C1QTNF1: variants seen among roughly 807,000 people sequenced by gnomAD.
C1QTNF1 encodes the protein C1q and TNF related 1.
In C1QTNF1, 22 loss-of-function variants were observed where a neutral mutation model predicts 27.8. That is an observed-to-expected ratio of 0.79 (90% CI 0.56 to 1.13). The LOEUF is 1.13. Ranked by LOEUF, C1QTNF1 falls within the 50% of genes most tolerant of loss-of-function variation. The pLI is 0.00. For synonymous variants in C1QTNF1, 166 were observed against 154.3 expected (o/e 1.08, Z -0.56); for missense variants, 373 against 380.2 (o/e 0.98, Z 0.16).
chr17:79,039,783 A>ATG (rs35243048), intron 1 of C1QTNF1, among the ~76,000 whole-genome samples: 4,271 of 151,150 alleles, frequency 0.028, 86 homozygotes, highest in East Asian at 0.077. Flanking sequence ...TTAAATAAAT[A>ATG]TGTGTGTGTG....
In C1QTNF1 at chr17:79,048,025, C is replaced by A. The variant is rs56302593; in HGVS notation, c.783C>A (p.Ser261Arg). The change falls in exon 4 of 4, where the codon AGC (serine) becomes AGA (arginine). Residue 261 changes from serine (S) to arginine (R), a missense_variant. Physicochemically the swap from Ser to Arg is moderately radical, Grantham distance 110. Coordinates refer to ENST00000579760, the MANE Select transcript of C1QTNF1 (RefSeq NM_030968.5). ...YKGERENAIFSEELDTYITFS... is the reference protein window; with the variant it reads ...YKGERENAIFREELDTYITFS... ...GCGAACGTGAGAACGCCATCTTCAGCGAGGAGCTGGACACCTACATCACCT... is the reference window on the plus strand; with the variant it reads ...GCGAACGTGAGAACGCCATCTTCAGAGAGGAGCTGGACACCTACATCACCT... The A allele has an allele frequency of 6.2e-7, 1 of 1,604,190 alleles. No individual in the cohort carries two copies. Among genetic ancestry groups the A allele is most frequent in the East Asian group, 2.2e-5 (1 of 44,796 alleles).
chr17:79,047,637 G>A lies in C1QTNF1; in HGVS notation c.395G>A (p.Gly132Asp), dbSNP rs1459652629. The change falls in exon 4 of 4, where the codon GGC (glycine) becomes GAC (aspartate). Residue 132 changes from glycine (G) to aspartate (D), a missense_variant. Coordinates refer to ENST00000579760, the MANE Select transcript of C1QTNF1 (RefSeq NM_030968.5). ...CACACTGGACCCAAAGGGCAGAAGGGCTCCATGGGGGCCCCTGGGGAGCGG... is the reference window on the plus strand; with the variant it reads ...CACACTGGACCCAAAGGGCAGAAGGACTCCATGGGGGCCCCTGGGGAGCGG... ...RGHTGPKGQK[G>D]SMGAPGERCK... 1.2e-6 allele frequency: 2 copies of A among 1,604,716 alleles called. No individual in the cohort carries two copies. The highest frequency in any genetic ancestry group is 2.2e-5 in the East Asian group (1 of 44,730).
At chr17:79,037,947 C>A (rs1237707634) in intron 1 of C1QTNF1, among the ~76,000 whole-genome samples, 4 of 151,936 alleles carry the variant, frequency 2.6e-5, no homozygotes, top group African/African-American at 9.7e-5. Context: ...GCTGGGATGA[C>A]AGGTGTGAGC....
intron 3 of C1QTNF1, 44 bp from the exon 4 acceptor site, chr17:79,047,494 C>T (rs2072616903): frequency 2.0e-6 from 3 of 1,505,486 alleles, no homozygotes; most frequent in African/African-American, 1.4e-5. Context: ...CAGGACACTA[C>T]CGGATTGCTC....
chr17:79,043,950 A>T lies in C1QTNF1; in HGVS notation c.-14-5A>T. 4 of 1,613,220 alleles carry T rather than the reference A, an allele frequency of 2.5e-6. No homozygotes were observed. Among genetic ancestry groups the T allele is most frequent in the Non-Finnish European group, 3.4e-6 (4 of 1,179,900 alleles). On this transcript the variant is annotated splice_region_variant and splice_polypyrimidine_tract_variant and intron_variant, in intron 1 of 3. Coordinates refer to ENST00000579760, the MANE Select transcript of C1QTNF1 (RefSeq NM_030968.5). Reference sequence around the variant, plus strand: ...TGCCTTCCCTGTGTGTTTCTTTCCCACCAGGGCCCGGCAGGAAGATGGGCT... The same window carrying T: ...TGCCTTCCCTGTGTGTTTCTTTCCCTCCAGGGCCCGGCAGGAAGATGGGCT...
chr17:79,035,805 T>C (rs1002540245), intron 1 of C1QTNF1, among the ~76,000 whole-genome samples: 30 of 152,108 alleles, frequency 2.0e-4, no homozygotes, highest in African/African-American at 7.2e-4. Context: ...CCTTGGGAGA[T>C]GAATGTAAAC....
intron 1 of C1QTNF1, among the ~76,000 whole-genome samples, chr17:79,042,173 T>C (rs1435387794): frequency 2.0e-5 from 3 of 152,112 alleles, no homozygotes; most frequent in Non-Finnish European, 4.4e-5. Flanking sequence ...CAAAGAGGGG[T>C]TAGAGTTGAC....
chr17:79,027,090 G>GA, intron 1 of C1QTNF1, among the ~76,000 whole-genome samples: 1 of 149,458 alleles, frequency 6.7e-6, no homozygotes, highest in Admixed American at 6.7e-5. Context: ...GCGGGGGGGG[G>GA]CTGTGGCTGA....
In C1QTNF1 at chr17:79,046,623, G is replaced by T; in HGVS notation, c.224G>T (p.Arg75Leu). ...DQGLPASRCL[R>L]CCDPGTSMYP... is the part of the protein sequence containing the mutation. ...GGGCTCCCTGCTTCCCGGTGCTTGC[G>T]CTGCTGTGACCCCGGTACCTCCATG... The change falls in exon 3 of 4, where the codon CGC (arginine) becomes CTC (leucine). Residue 75 changes from arginine (R) to leucine (L), a missense_variant. Coordinates refer to ENST00000579760, the MANE Select transcript of C1QTNF1 (RefSeq NM_030968.5). This position sits in a 1 kb window ranked among gnomAD's most constrained non-coding sequence, Gnocchi z 4.8. 1 of 1,614,232 alleles carries T rather than the reference G, an allele frequency of 6.2e-7. No homozygotes were observed.
chr17:79,025,053 G>C (rs1488197172), intron 1 of C1QTNF1: 2 of 152,334 alleles, frequency 1.3e-5, no homozygotes, highest in Non-Finnish European at 2.9e-5. Context: ...GTGTCCTGGA[G>C]GGGGTCCAGC....
chr17:79,046,960 G>A lies in C1QTNF1; in HGVS notation c.295+266G>A, dbSNP rs930449227. 5.9e-6 allele frequency: 3 copies of A among 506,938 alleles called. No homozygotes were observed. Among genetic ancestry groups the A allele is most frequent in the African/African-American group, 3.8e-5 (2 of 52,224 alleles). The allele number at this position is 506,938 out of a possible 1,614,324, so 31.4% of individuals were successfully genotyped here. ...GAGCCCAGAGGCTACTCGGGGTCTCGTCCCTCCAGTTGTATGTGGACGCCA... is the reference window on the plus strand; with the variant it reads ...GAGCCCAGAGGCTACTCGGGGTCTCATCCCTCCAGTTGTATGTGGACGCCA... On this transcript the variant is annotated intron_variant, in intron 3 of 3. Transcript: ENST00000579760. This position sits in a 1 kb window ranked among gnomAD's most constrained non-coding sequence, Gnocchi z 4.8.
At chr17:79,043,551 GTGC>G (rs1254870038) in intron 1 of C1QTNF1, 1 of 431,298 alleles carries the variant, frequency 2.3e-6, no homozygotes, top group African/African-American at 2.2e-5. Context: ...TGTTGAGACT[GTGC>G]ATGTGTATTG....
chr17:79,040,730 C>CAAAA (rs60302649), intron 1 of C1QTNF1, among the ~76,000 whole-genome samples: 44 of 56,342 alleles, frequency 7.8e-4, no homozygotes, highest in East Asian at 1.2e-3. Flanking sequence ...TTTGTCTCTA[C>CAAAA]AAAAAAAAAA....
chr17:79,043,866 A>T, intron 1 of C1QTNF1, 89 bp from the exon 2 acceptor site: 1 of 1,452,526 alleles, frequency 6.9e-7, no homozygotes, highest in Non-Finnish European at 9.6e-7. Context: ...TCCGATTTCC[A>T]GGCTGTTTCT....
intron 3 of C1QTNF1, chr17:79,047,240 T>TTC: frequency 4.3e-6 from 1 of 233,844 alleles, no homozygotes. Context: ...TTTCTTTTCT[T>TTC]TTTTTTTTTT....
At chr17:79,038,146 C>T (rs550532273) in intron 1 of C1QTNF1, among the ~76,000 whole-genome samples, 21 of 151,944 alleles carry the variant, frequency 1.4e-4, no homozygotes, top group East Asian at 3.9e-4. Context: ...CACCCCACCA[C>T]GCCCAGCTAA....
intron 1 of C1QTNF1, among the ~76,000 whole-genome samples, chr17:79,035,222 G>A (rs1458081722): frequency 6.6e-6 from 1 of 152,116 alleles, no homozygotes; most frequent in Admixed American, 6.5e-5. Context: ...GAATCCTCTT[G>A]CAGCAACAGG....
At chr17:79,044,269 C>G (rs2072508310) in intron 2 of C1QTNF1, 146 bp downstream of exon 2, 1 of 941,748 alleles carries the variant, frequency 1.1e-6, no homozygotes, top group East Asian at 2.7e-5. Context: ...GGAGGCTGGT[C>G]CTGCAGGACA....
rs74807795 is a variant in C1QTNF1, at chr17:79,044,491, T to C, written c.155+368T>C. 0.011 allele frequency among the ~76,000 whole-genome samples: 1,626 copies of C among 152,268 alleles called. 62 individuals carry two copies. The East Asian group carries it at 0.14, about 13-fold the overall frequency. On this transcript the variant is annotated intron_variant, in intron 2 of 3. Transcript: ENST00000579760. Reference sequence around the variant, plus strand: ...TATCTGCTGGGGACCTAGGCACCACTTGGAGGCAGGGAGAAGTGGAGCATG... The same window carrying C: ...TATCTGCTGGGGACCTAGGCACCACCTGGAGGCAGGGAGAAGTGGAGCATG...
Sources: gnomAD v4.1 joint callset for allele counts (sites outside exome capture counted in the v4.1 genomes callset) on GRCh38, gnomAD v4.1.1 for gene constraint, Gnocchi (gnomAD v3.1) non-coding constraint, MANE v1.5 for transcripts, NCBI Gene and HGNC (gene_info 2026-07-23, HGNC 2026-07-21) for gene names.